SLC5A12: variants seen among roughly 807,000 people sequenced by gnomAD.
The protein encoded by SLC5A12 is solute carrier family 5 member 12.
SLC5A12 carries 46 observed loss-of-function variants against 72.7 expected under a neutral mutation model. That is an observed-to-expected ratio of 0.63 (90% CI 0.50 to 0.81). The LOEUF (loss-of-function observed/expected upper bound fraction) is 0.81, where lower values mean the gene tolerates loss of function less well. Among genes scored for constraint, SLC5A12 ranks in the 30% least tolerant of loss-of-function variants. The probability of loss-of-function intolerance (pLI) is 0.00; values close to 1 mark genes in which losing one functional copy is unlikely to be tolerated. For missense variants in SLC5A12, 683 were observed against 740.7 expected, an observed-to-expected ratio of 0.92 and a Z score of 0.90; for synonymous variants, 275 against 264.4, an observed-to-expected ratio of 1.04 and a Z score of -0.39.
chr11:26,692,204 C>T (rs1168966778), intron 9 of SLC5A12: 5 of 247,426 alleles, frequency 2.0e-5, no homozygotes, highest in South Asian at 1.2e-4. Flanking sequence ...CATCCTGGGC[C>T]GTATGCGGCC....
At chr11:26,716,219 C>G (rs1855346891) in intron 1 of SLC5A12, 1 of 152,124 alleles carries the variant, frequency 6.6e-6, no homozygotes, top group South Asian at 2.1e-4. Context: ...AAGTTCCACT[C>G]AACCCAGTAA....
At chr11:26,698,598 T>C in intron 6 of SLC5A12, 63 bp from the exon 7 acceptor site, 1 of 1,525,712 alleles carries the variant, frequency 6.6e-7, no homozygotes, top group East Asian at 2.3e-5. Flanking sequence ...GGTGAGGTCA[T>C]TACCAGGTAC....
At chr11:26,690,007 T>C (rs57106423) in intron 9 of SLC5A12, among the ~76,000 whole-genome samples, 4,327 of 151,158 alleles carry the variant, frequency 0.029, 109 homozygotes, top group South Asian at 0.094. Context: ...GGAAGAGGAG[T>C]TGAAAGAGGA....
At chr11:26,694,402 G>C (rs773999626) in intron 8 of SLC5A12, among the ~76,000 whole-genome samples, 14 of 152,094 alleles carry the variant, frequency 9.2e-5, no homozygotes, top group Admixed American at 3.9e-4. Context: ...CTCCAGTCTG[G>C]AGAGAGTGAG....
intron 6 of SLC5A12, among the ~76,000 whole-genome samples, chr11:26,700,758 A>T (rs577482875): frequency 6.6e-6 from 1 of 152,298 alleles, no homozygotes; most frequent in South Asian, 2.1e-4. Flanking sequence ...TAAGTGTCTC[A>T]GTAAGTGATA....
At chr11:26,709,994 C>T (rs1855182781) in intron 3 of SLC5A12, among the ~76,000 whole-genome samples, 1 of 152,082 alleles carries the variant, frequency 6.6e-6, no homozygotes, top group South Asian at 2.1e-4. Flanking sequence ...TTAGGTATTT[C>T]TCCTAAGGCT....
chr11:26,709,525 T>C (rs922907158), intron 3 of SLC5A12, 146 bp from the exon 4 acceptor site: 2 of 605,126 alleles, frequency 3.3e-6, no homozygotes, highest in Admixed American at 2.9e-5. Context: ...CATTAAATTT[T>C]CTCACCTTCG....
intron 10 of SLC5A12, 43 bp from the exon 11 acceptor site, chr11:26,683,886 C>G (rs749476655): frequency 2.7e-6 from 4 of 1,484,320 alleles, no homozygotes; most frequent in Non-Finnish European, 3.7e-6. Flanking sequence ...TACTCAAGGG[C>G]ATCTGTGACT....
chr11:26,673,533 T>C lies in SLC5A12; in HGVS notation c.1580-4A>G, dbSNP rs777857482. On this transcript the variant is annotated splice_polypyrimidine_tract_variant and splice_region_variant and intron_variant, in intron 13 of 14. Coordinates refer to ENST00000396005, the MANE Select transcript of SLC5A12 (RefSeq NM_178498.4). ...ATATCCTCACCTCTTTGGCGACCTA[T>C]TAACAAAAGAACAAATAGATTAGAT... The C allele has an allele frequency of 2.5e-6, 4 of 1,600,294 alleles. No homozygotes were observed. The Admixed American group carries it at 5.2e-5, about 21-fold the overall frequency.
At chr11:26,672,621 C>A (rs926970013) in intron 14 of SLC5A12, among the ~76,000 whole-genome samples, 11 of 152,224 alleles carry the variant, frequency 7.2e-5, no homozygotes, top group African/African-American at 2.6e-4. Context: ...TTCTTCCTCC[C>A]TCTTGTTGAG....
In SLC5A12 at chr11:26,667,240, A is replaced by T. The variant is rs189652304; in HGVS notation, c.*3862T>A. ...TGTAAATATACAAATGTGCATGTAC[A>T]TACAGCTATAACTTCTGTAATAATT... On this transcript the variant is annotated 3_prime_UTR_variant, in exon 15 of 15. Transcript: ENST00000396005. 6.6e-6 allele frequency: 1 copy of T among 152,074 alleles called. No individual in the cohort carries two copies. The highest frequency in any genetic ancestry group is 2.4e-5 in the African/African-American group (1 of 41,560). The allele number at this position is 152,074 out of a possible 1,614,324, so 9.4% of individuals were successfully genotyped here. A position where few individuals can be genotyped will look rare whatever the true frequency, so the allele number is the denominator to read the frequency against.
In SLC5A12 at chr11:26,711,355, G is replaced by C; in HGVS notation, c.409C>G (p.Leu137Val). Residue 137 changes from leucine (L) to valine (V), a missense_variant, in exon 3 of 15, where the codon CTC becomes GTC. Transcript: ENST00000396005. ...ATVIYIVQTILYTGVVVYAPA... is the reference protein window; with the variant it reads ...ATVIYIVQTIVYTGVVVYAPA... ...GCATACACCACCACTCCTGTGTAGA[G>C]AATCTGGTAGAGAAACAAGAATCAG... is the stretch of plus-strand genomic sequence containing the variant. The C allele has an allele frequency of 6.2e-7, 1 of 1,611,084 alleles. No individual in the cohort carries two copies.
intron 8 of SLC5A12, among the ~76,000 whole-genome samples, chr11:26,696,297 A>T (rs1854811178): frequency 1.3e-5 from 2 of 152,176 alleles, no homozygotes; most frequent in African/African-American, 4.8e-5. Flanking sequence ...CTTCTAAAAT[A>T]TTTGTCACAA....
chr11:26,671,719 TCC>T (rs1854148995), intron 14 of SLC5A12, among the ~76,000 whole-genome samples: 1 of 152,030 alleles, frequency 6.6e-6, no homozygotes, highest in African/African-American at 2.4e-5. Context: ...ACAAGGAGTG[TCC>T]CCTCCCTTTC....
chr11:26,677,364 T>C (rs1854289691), intron 13 of SLC5A12, among the ~76,000 whole-genome samples: 1 of 152,192 alleles, frequency 6.6e-6, no homozygotes, highest in South Asian at 2.1e-4. Context: ...AAGAGCATGC[T>C]AATTCTGGTG....
At chr11:26,671,363 A>C in intron 14 of SLC5A12, 112 bp from the exon 15 acceptor site, 2 of 830,556 alleles carry the variant, frequency 2.4e-6, no homozygotes, top group Non-Finnish European at 3.7e-6. Flanking sequence ...TATGTACAAA[A>C]GAAGCATAAA....
chr11:26,697,822 C>T (rs1854859030), intron 7 of SLC5A12, among the ~76,000 whole-genome samples: 1 of 151,850 alleles, frequency 6.6e-6, no homozygotes, highest in Admixed American at 6.6e-5. Context: ...ATGGTTCAAG[C>T]CTGCATTCCA....
chr11:26,697,335 T>C, intron 7 of SLC5A12, 83 bp from the exon 8 acceptor site: 1 of 1,205,178 alleles, frequency 8.3e-7, no homozygotes, highest in Non-Finnish European at 1.2e-6. Context: ...AAAAATAGGA[T>C]TAGTGGTCTT....
rs754507393 is a variant in SLC5A12 at position 26,683,858 on chromosome 11, C to T, written c.1222-15G>A. 9 of 1,578,676 alleles carry T rather than the reference C, an allele frequency of 5.7e-6. No homozygotes were observed. Among genetic ancestry groups the T allele is most frequent in the Admixed American group, 1.8e-5 (1 of 55,018 alleles). On this transcript the variant is annotated splice_polypyrimidine_tract_variant and intron_variant, in intron 10 of 14. Transcript: ENST00000396005. ...CTGAGGGAAGCCTGTGGAACAAAGG[C>T]AGACCAGATGAATCCCCTACTCAAG... is the stretch of plus-strand genomic sequence containing the variant.
Sources: gnomAD v4.1 joint callset for allele counts (sites outside exome capture counted in the v4.1 genomes callset) on GRCh38, gnomAD v4.1.1 for gene constraint, MANE v1.5 for transcripts, NCBI Gene and HGNC (gene_info 2026-07-23, HGNC 2026-07-21) for gene names.